GPHB5: variants seen among roughly 807,000 people sequenced by gnomAD.
GPHB5 encodes glycoprotein hormone beta-5.
Under a neutral mutation model 10.1 loss-of-function variants are expected in GPHB5, and 7 were observed. The ratio of observed to expected loss-of-function variants is 0.69; its 90% CI spans 0.39 to 1.30. The LOEUF (loss-of-function observed/expected upper bound fraction) is 1.30. Among genes scored for constraint, GPHB5 ranks in the 50% most tolerant of loss-of-function variants. The pLI, the probability that GPHB5 is intolerant of heterozygous loss-of-function variation, is 0.01. For synonymous variants in GPHB5, 68 were observed against 70.1 expected (o/e 0.97, Z 0.15); for missense variants, 161 against 169.8 (o/e 0.95, Z 0.29).
At chr14:63,317,595 C>A in intron 2 of GPHB5, 51 bp downstream of exon 2, 2 of 1,557,974 alleles carry the variant, frequency 1.3e-6, no homozygotes, top group Non-Finnish European at 1.8e-6. Context: ...AGAATCAGAC[C>A]CAAGCTGCTG....
At chr14:63,314,466 G>C (rs955751633) in intron 2 of GPHB5, among the ~76,000 whole-genome samples, 3 of 148,728 alleles carry the variant, frequency 2.0e-5, no homozygotes, top group African/African-American at 7.5e-5. Flanking sequence ...TGTCTCCCAG[G>C]CTGGAGTTCA....
intron 2 of GPHB5, among the ~76,000 whole-genome samples, chr14:63,315,302 C>T (rs1882753566): frequency 6.6e-6 from 1 of 152,146 alleles, no homozygotes; most frequent in Non-Finnish European, 1.5e-5. Context: ...AGTCCTCTTA[C>T]CATTAGTACT....
intron 2 of GPHB5, among the ~76,000 whole-genome samples, chr14:63,314,664 G>A (rs530814102): frequency 2.0e-5 from 3 of 151,904 alleles, no homozygotes; most frequent in African/African-American, 4.8e-5. Context: ...TGCCTGCCTC[G>A]GCCTCCCAAA....
chr14:63,317,419 T>TA (rs1882789341), intron 2 of GPHB5, among the ~76,000 whole-genome samples: 1 of 152,234 alleles, frequency 6.6e-6, no homozygotes, highest in Non-Finnish European at 1.5e-5. Flanking sequence ...AGACACAATG[T>TA]AAACCAAATT....
At chr14:63,313,902 C>T (rs1335918550) in intron 2 of GPHB5, among the ~76,000 whole-genome samples, 3 of 152,164 alleles carry the variant, frequency 2.0e-5, no homozygotes, top group Admixed American at 6.5e-5. Context: ...CAATACCACA[C>T]GACGTAGTCT....
chr14:63,317,310 C>A (rs1006570414), intron 2 of GPHB5, among the ~76,000 whole-genome samples: 1 of 152,184 alleles, frequency 6.6e-6, no homozygotes, highest in Non-Finnish European at 1.5e-5. Flanking sequence ...TGACGCTCTA[C>A]GTGACTTTGC....
In GPHB5 at chr14:63,312,957, T is replaced by C; in HGVS notation, c.364A>G (p.Thr122Ala). The change falls in exon 3 of 3, where the codon ACT becomes GCT. Residue 122 changes from threonine (T) to alanine (A), a missense_variant. Transcript: ENST00000621500. The part of the protein sequence containing the change: ...AIRCDCGACS[T>A]ATTECETI ...ATGGTCTCACACTCCGTGGTGGCAG[T>C]GGAGCAGGCTCCGCAGTCACAGCGG... 2 of 1,554,226 alleles carry C rather than the reference T, an allele frequency of 1.3e-6. No homozygotes were observed. The highest frequency in any genetic ancestry group is 8.7e-7 in the Non-Finnish European group (1 of 1,148,454).
chr14:63,314,836 T>C (rs1322889841), intron 2 of GPHB5, among the ~76,000 whole-genome samples: 1 of 141,356 alleles, frequency 7.1e-6, no homozygotes, highest in Non-Finnish European at 1.5e-5. Flanking sequence ...TATATATACA[T>C]ATGTAACTCA....
At chr14:63,314,011 G>T (rs932786465) in intron 2 of GPHB5, among the ~76,000 whole-genome samples, 1 of 152,128 alleles carries the variant, frequency 6.6e-6, no homozygotes, top group Non-Finnish European at 1.5e-5. Flanking sequence ...AACAGACCCC[G>T]GGAGAGTTTC....
intron 2 of GPHB5, among the ~76,000 whole-genome samples, chr14:63,314,847 A>AGTT (rs1882741613): frequency 1.5e-5 from 2 of 135,302 alleles, no homozygotes; most frequent in Admixed American, 1.4e-4. Context: ...ATGTAACTCA[A>AGTT]GATGTTCTTG....
intron 2 of GPHB5, among the ~76,000 whole-genome samples, chr14:63,315,869 A>G (rs1441393404): frequency 2.0e-5 from 3 of 152,246 alleles, no homozygotes; most frequent in Non-Finnish European, 4.4e-5. Flanking sequence ...TTCCAGTGAG[A>G]GCACAGTTCC....
In GPHB5 at chr14:63,317,750, C is replaced by T; in HGVS notation, c.100G>A (p.Val34Met). ...GASSGNLRTF[V>M]GCAVREFTFL... ...GTAAACTCCCTCACGGCACAGCCCA[C>T]AAAGGTGCGCAGGTTCCCACTGGAG... is the stretch of plus-strand genomic sequence containing the variant. The change falls in exon 2 of 3, where the codon GTG becomes ATG. Residue 34 changes from valine (V) to methionine (M), a missense_variant. Physicochemically the swap from Val to Met is conservative, Grantham distance 21 (BLOSUM62 1). Coordinates refer to ENST00000621500, the MANE Select transcript of GPHB5 (RefSeq NM_145171.4). 2 of 1,614,060 alleles carry T rather than the reference C, an allele frequency of 1.2e-6. No homozygotes were observed. Among genetic ancestry groups the T allele is most frequent in the Non-Finnish European group, 1.7e-6 (2 of 1,179,898 alleles).
chr14:63,317,918 A>G, intron 1 of GPHB5, 68 bp from the exon 2 acceptor site: 1 of 1,429,474 alleles, frequency 7.0e-7, no homozygotes, highest in South Asian at 1.2e-5. Context: ...ACAGCCAACC[A>G]TGCATTTGTC....
chr14:63,313,326 A>G (rs1882706184), intron 2 of GPHB5, among the ~76,000 whole-genome samples: 1 of 152,210 alleles, frequency 6.6e-6, no homozygotes, highest in East Asian at 1.9e-4. Flanking sequence ...ACCATAGCAC[A>G]CAGCAAGTGC....
intron 2 of GPHB5, among the ~76,000 whole-genome samples, chr14:63,316,932 T>A (rs112535862): frequency 3.9e-4 from 60 of 152,340 alleles, no homozygotes; most frequent in African/African-American, 1.4e-3. Context: ...TGTGATCTGC[T>A]GGGGTGCTGA....
intron 2 of GPHB5, among the ~76,000 whole-genome samples, chr14:63,315,451 A>G (rs1172966835): frequency 6.6e-6 from 1 of 152,052 alleles, no homozygotes; most frequent in Non-Finnish European, 1.5e-5. Context: ...TTAAATTCCA[A>G]TTTACCTGGG....
chr14:63,318,621 G>A (rs139288202), intron 1 of GPHB5, among the ~76,000 whole-genome samples: 15 of 152,184 alleles, frequency 9.9e-5, no homozygotes, highest in African/African-American at 3.4e-4. Flanking sequence ...TGCTCTTTCC[G>A]GAGCCAGAAT....
chr14:63,316,441 C>T (rs1267852074), intron 2 of GPHB5, among the ~76,000 whole-genome samples: 3 of 152,290 alleles, frequency 2.0e-5, no homozygotes, highest in East Asian at 1.9e-4. Context: ...TGTTCATACA[C>T]GACATCTTGA....
At position 63,312,957 on chromosome 14, in the gene GPHB5, T is replaced by A. The variant is rs1349716989; in HGVS notation, c.364A>T (p.Thr122Ser). ...ATGGTCTCACACTCCGTGGTGGCAG[T>A]GGAGCAGGCTCCGCAGTCACAGCGG... ...AIRCDCGACSTATTECETI is the reference protein window; with the variant it reads ...AIRCDCGACSSATTECETI Residue 122 changes from threonine (T) to serine (S), a missense_variant, in exon 3 of 3, where the codon ACT becomes TCT. Coordinates refer to ENST00000621500, the MANE Select transcript of GPHB5 (RefSeq NM_145171.4). 1.3e-6 allele frequency: 2 copies of A among 1,554,226 alleles called. No individual in the cohort carries two copies. Among genetic ancestry groups the A allele is most frequent in the East Asian group, 2.4e-5 (1 of 41,170 alleles).
Sources: allele counts gnomAD v4.1 joint callset (sites outside exome capture counted in the v4.1 genomes callset), GRCh38; gene constraint gnomAD v4.1.1; transcripts MANE v1.5; gene names NCBI Gene and HGNC (gene_info 2026-07-23, HGNC 2026-07-21).